PHACTR1: variants seen among roughly 807,000 people sequenced by gnomAD.
PHACTR1 encodes the protein phosphatase and actin regulator 1.
PHACTR1 carries 16 observed loss-of-function variants against 69.2 expected under a neutral mutation model. The observed-to-expected ratio is 0.23, with a 90% CI of 0.16 to 0.35. PHACTR1 has a LOEUF of 0.35. Among genes scored for constraint, PHACTR1 ranks in the 10% least tolerant of loss-of-function variants. The probability of loss-of-function intolerance (pLI) is 1.00; values close to 1 mark genes in which losing one functional copy is unlikely to be tolerated. For synonymous variants in PHACTR1, 312 were observed against 284.5 expected (o/e 1.10, Z -0.97); for missense variants, 510 against 734.7 (o/e 0.69, Z 3.54).
chr6:12,731,998 G>A (rs1763593092), intron 3 of PHACTR1, among the ~76,000 whole-genome samples: 1 of 149,902 alleles, frequency 6.7e-6, no homozygotes, highest in Admixed American at 6.6e-5. Context: ...TTTTATTTGG[G>A]AAACTATCAA....
intron 5 of PHACTR1, among the ~76,000 whole-genome samples, chr6:13,106,557 C>T (rs1374296440): frequency 6.6e-6 from 1 of 152,176 alleles, no homozygotes; most frequent in Non-Finnish European, 1.5e-5. Context: ...TAGCTCACTG[C>T]AGCCTTGACC....
At chr6:12,846,023 G>A (rs956130834) in intron 4 of PHACTR1, among the ~76,000 whole-genome samples, 3 of 152,120 alleles carry the variant, frequency 2.0e-5, no homozygotes, top group Non-Finnish European at 4.4e-5. Flanking sequence ...GCAAAACTGT[G>A]GAGAGGAGGG....
chr6:13,019,850 CTT>C (rs1176787367), intron 4 of PHACTR1, among the ~76,000 whole-genome samples: 2 of 152,180 alleles, frequency 1.3e-5, no homozygotes, highest in East Asian at 1.9e-4. Context: ...GGTTCACTAA[CTT>C]ATATATGAAT....
At chr6:13,167,638 A>G (rs1288787650) in intron 6 of PHACTR1, among the ~76,000 whole-genome samples, 1 of 152,230 alleles carries the variant, frequency 6.6e-6, no homozygotes, top group Non-Finnish European at 1.5e-5. Context: ...CAAGGAAAGA[A>G]TAAAACTGAC....
At chr6:12,841,497 C>A (rs2127742811) in intron 4 of PHACTR1, among the ~76,000 whole-genome samples, 1 of 152,184 alleles carries the variant, frequency 6.6e-6, no homozygotes, top group East Asian at 1.9e-4. Flanking sequence ...GAGCATTATA[C>A]AAATGAATTG....
At chr6:12,784,462 ACACAC>A (rs1771256028) in intron 4 of PHACTR1, among the ~76,000 whole-genome samples, 1 of 151,910 alleles carries the variant, frequency 6.6e-6, no homozygotes, top group African/African-American at 2.4e-5. Flanking sequence ...ATATACCTAT[ACACAC>A]ATGTCTATAC....
intron 4 of PHACTR1, among the ~76,000 whole-genome samples, chr6:12,823,452 C>T (rs1258793638): frequency 6.6e-6 from 1 of 152,020 alleles, no homozygotes; most frequent in East Asian, 1.9e-4. Flanking sequence ...CAATAAGACT[C>T]GTGGAATTTT....
In PHACTR1 at chr6:13,088,778, C is replaced by A. The variant is rs1812730939; in HGVS notation, c.415+35249C>A. On this transcript the variant is annotated intron_variant, in intron 5 of 14. Transcript: ENST00000332995. Reference sequence around the variant, plus strand: ...TCACCTTGAAGAGCCCTTCTAAGGTCAGCTTTGACATTTAAATGACCCTTG... The same window carrying A: ...TCACCTTGAAGAGCCCTTCTAAGGTAAGCTTTGACATTTAAATGACCCTTG... Among the ~76,000 whole-genome samples the A allele has an allele frequency of 2.0e-5, 3 of 152,252 alleles. No individual in the cohort carries two copies. In the South Asian group the frequency reaches 6.2e-4, roughly 32 times the overall value.
intron 3 of PHACTR1, among the ~76,000 whole-genome samples, chr6:12,721,335 G>T (rs1036752872): frequency 4.6e-5 from 7 of 152,012 alleles, no homozygotes; most frequent in Admixed American, 4.6e-4. Context: ...AGTGAGTGGG[G>T]GTGGCACCAC....
At chr6:12,794,880 G>A (rs960667041) in intron 4 of PHACTR1, among the ~76,000 whole-genome samples, 21 of 152,130 alleles carry the variant, frequency 1.4e-4, no homozygotes, top group African/African-American at 4.8e-4. Context: ...AGATGACAGA[G>A]GGCATTGTAG....
chr6:13,172,453 G>A (rs990540008), intron 6 of PHACTR1, among the ~76,000 whole-genome samples: 7 of 152,110 alleles, frequency 4.6e-5, no homozygotes, highest in Admixed American at 6.5e-5. Flanking sequence ...GTAATGAGGC[G>A]CTCAGGTTAC....
At chr6:13,028,416 T>C (rs891330559) in intron 4 of PHACTR1, among the ~76,000 whole-genome samples, 1 of 152,224 alleles carries the variant, frequency 6.6e-6, no homozygotes, top group Non-Finnish European at 1.5e-5. Context: ...GAGATATAAA[T>C]GCAAATTAAA....
At chr6:13,243,376 T>C (rs1773135024) in intron 10 of PHACTR1, among the ~76,000 whole-genome samples, 1 of 152,178 alleles carries the variant, frequency 6.6e-6, no homozygotes, top group Non-Finnish European at 1.5e-5. Flanking sequence ...CTCAGTCACT[T>C]GTGAACTTAC....
chr6:13,283,683 G>C lies in PHACTR1; in HGVS notation c.1650+121G>C. On this transcript the variant is annotated intron_variant, in intron 13 of 14. Transcript: ENST00000332995. The surrounding 1 kb of genome is among the most constrained non-coding windows in gnomAD (Gnocchi z 4.7). ...AGGCCTCAGCCGCAGTCCCCATAAT[G>C]GAGTGTTGAGACCCCAACACCTTTC... The C allele has an allele frequency of 6.9e-7, 1 of 1,454,230 alleles. No individual in the cohort carries two copies. Among genetic ancestry groups the C allele is most frequent in the Non-Finnish European group, 9.5e-7 (1 of 1,049,142 alleles). The allele number at this position is 1,454,230 out of a possible 1,614,324, so 90.1% of individuals were successfully genotyped here.
intron 10 of PHACTR1, among the ~76,000 whole-genome samples, chr6:13,262,728 C>A (rs1294353529): frequency 6.6e-6 from 1 of 152,208 alleles, no homozygotes; most frequent in Admixed American, 6.5e-5. Flanking sequence ...ATCTACACTT[C>A]TGGATACCTG....
intron 4 of PHACTR1, 63 bp from the exon 5 acceptor site, chr6:13,053,302 G>A: frequency 1.4e-6 from 2 of 1,464,202 alleles, no homozygotes; most frequent in Non-Finnish European, 1.8e-6. Context: ...GGCCATCTGT[G>A]AGGCTCCCAT....
At chr6:12,749,493 C>CT (rs1581575410) in intron 3 of PHACTR1, 151 bp from the exon 4 acceptor site, 2 of 661,812 alleles carry the variant, frequency 3.0e-6, no homozygotes, top group East Asian at 3.0e-5. Context: ...CTTTTTTTTC[C>CT]TTTTTCCCTC....
chr6:12,871,603 G>A (rs139922600), intron 4 of PHACTR1, among the ~76,000 whole-genome samples: 1 of 152,114 alleles, frequency 6.6e-6, no homozygotes, highest in East Asian at 1.9e-4. Flanking sequence ...GGCCTGATAA[G>A]ATTCAGGTTC....
intron 4 of PHACTR1, among the ~76,000 whole-genome samples, chr6:12,767,660 G>T (rs1467510000): frequency 6.6e-6 from 1 of 152,132 alleles, no homozygotes; most frequent in African/African-American, 2.4e-5. Flanking sequence ...TTACATTTAT[G>T]CACAAAGATG....
Sources: allele counts gnomAD v4.1 joint callset (sites outside exome capture counted in the v4.1 genomes callset), GRCh38; gene constraint gnomAD v4.1.1; non-coding constraint Gnocchi (gnomAD v3.1); transcripts MANE v1.5; gene names NCBI Gene and HGNC (gene_info 2026-07-23, HGNC 2026-07-21).